Variants in HDAC9 observed in about 807,000 individuals in gnomAD.
HDAC9 encodes MEF-2 interacting transcription repressor (MITR) protein.
In HDAC9, 41 loss-of-function variants were observed where a neutral mutation model predicts 139.4. The observed-to-expected ratio is 0.29, with a 90% CI of 0.23 to 0.38. The LOEUF (loss-of-function observed/expected upper bound fraction) is 0.38, where lower values mean the gene tolerates loss of function less well. Among genes scored for constraint, HDAC9 ranks in the 10% least tolerant of loss-of-function variants. The probability of loss-of-function intolerance (pLI) is 1.00; values close to 1 mark genes in which losing one functional copy is unlikely to be tolerated. For missense variants in HDAC9, 1,147 were observed against 1,297.0 expected (o/e 0.88, Z 1.78); for synonymous variants, 517 against 476.2 (o/e 1.09, Z -1.12).
chr7:18,827,307 C>A (rs1208190344), intron 17 of HDAC9, among the ~76,000 whole-genome samples: 1 of 152,026 alleles, frequency 6.6e-6, no homozygotes, highest in Non-Finnish European at 1.5e-5. Context: ...AAGACACTAT[C>A]TTTTACATAA....
intron 16 of HDAC9, among the ~76,000 whole-genome samples, chr7:18,770,244 C>A (rs576412081): frequency 3.9e-5 from 6 of 152,118 alleles, no homozygotes; most frequent in Non-Finnish European, 5.9e-5. Context: ...GTTTGCTTTT[C>A]TTTTTGTTCA....
chr7:18,331,243 A>G (rs546608738), intron 1 of HDAC9, among the ~76,000 whole-genome samples: 2 of 151,872 alleles, frequency 1.3e-5, no homozygotes, highest in East Asian at 3.9e-4. Flanking sequence ...CCAATCAGGC[A>G]TGTAATACAT....
intron 22 of HDAC9, among the ~76,000 whole-genome samples, chr7:18,881,801 G>C (rs1799759864): frequency 6.6e-6 from 1 of 151,990 alleles, no homozygotes; most frequent in Admixed American, 6.6e-5. Context: ...CTGTAATCAG[G>C]GACTCAATGC....
intron 1 of HDAC9, among the ~76,000 whole-genome samples, chr7:18,468,868 G>C (rs1434354720): frequency 1.3e-5 from 2 of 152,090 alleles, no homozygotes; most frequent in Non-Finnish European, 2.9e-5. Flanking sequence ...TCCAGACTGT[G>C]GTATAAGTAC....
chr7:18,331,929 G>A (rs590630), intron 1 of HDAC9, among the ~76,000 whole-genome samples: 150,446 of 151,678 alleles, frequency 0.99, 74,622 homozygotes, highest in East Asian at 1. Flanking sequence ...TCACATGTGC[G>A]GAGCCTCTTA....
chr7:18,932,024 A>G (rs10271724), intron 22 of HDAC9, among the ~76,000 whole-genome samples: 65,342 of 151,976 alleles, frequency 0.43, 14,495 homozygotes, highest in Non-Finnish European at 0.48. Context: ...TGGCTTATCA[A>G]TCATAACAAA....
At chr7:18,102,757 A>G (rs762198328) in intron 1 of HDAC9, among the ~76,000 whole-genome samples, 2 of 152,160 alleles carry the variant, frequency 1.3e-5, no homozygotes, top group African/African-American at 2.4e-5. Context: ...CATGTGACAA[A>G]GTTCTGACCA....
At chr7:18,329,934 C>T (rs1318116842) in intron 1 of HDAC9, among the ~76,000 whole-genome samples, 1 of 151,206 alleles carries the variant, frequency 6.6e-6, no homozygotes, top group African/African-American at 2.4e-5. Flanking sequence ...TATTTTACTT[C>T]TAAGGTACTT....
chr7:18,628,926 T>G (rs1197401113), intron 6 of HDAC9, among the ~76,000 whole-genome samples: 1 of 152,122 alleles, frequency 6.6e-6, no homozygotes, highest in Admixed American at 6.6e-5. Flanking sequence ...GGTCAGAGTC[T>G]CTAAAATCAC....
At chr7:18,959,996 C>G (rs1416745773) in intron 24 of HDAC9, among the ~76,000 whole-genome samples, 1 of 125,888 alleles carries the variant, frequency 7.9e-6, no homozygotes, top group Non-Finnish European at 1.6e-5. Flanking sequence ...ATAGCTAATC[C>G]TCTGTTGTTT....
chr7:18,293,546 T>A (rs561074920), intron 1 of HDAC9, among the ~76,000 whole-genome samples: 18 of 152,268 alleles, frequency 1.2e-4, no homozygotes, highest in African/African-American at 4.3e-4. Context: ...AGCTCTTTAG[T>A]ACTGGCCACT....
intron 2 of HDAC9, among the ~76,000 whole-genome samples, chr7:18,251,710 A>G (rs1794926201): frequency 6.6e-6 from 1 of 152,192 alleles, no homozygotes; most frequent in African/African-American, 2.4e-5. Flanking sequence ...ACAACCTTTA[A>G]TCTTGTATCA....
chr7:18,864,612 TAA>T (rs34307478), intron 21 of HDAC9, among the ~76,000 whole-genome samples: 1,826 of 145,850 alleles, frequency 0.013, 13 homozygotes, highest in African/African-American at 0.016. Flanking sequence ...TTACCACAAT[TAA>T]AAAAAAAAAA....
Position 18,767,118 on chromosome 7 carries a change from A to C in HDAC9, c.2177A>C (p.Gln726Pro), listed in dbSNP as rs758714079. 1.3e-6 allele frequency: 2 copies of C among 1,570,086 alleles called. No homozygotes were observed. The highest frequency in any genetic ancestry group is 4.6e-5 in the East Asian group (2 of 43,640). Residue 726 changes from glutamine (Q) to proline (P), a missense_variant, in exon 16 of 26, where the codon CAA (glutamine) becomes CCA (proline). Gln to Pro is a moderately conservative substitution (Grantham distance 76, BLOSUM62 -1). Around this residue, in one of 7 missense-constraint regions of HDAC9, gnomAD observed 407 missense variants for 521.5 expected, o/e 0.78. Coordinates refer to ENST00000686413, the MANE Select transcript of HDAC9 (RefSeq NM_178425.4). ...TCTTACTGTATAGGTGATGACTCTC[A>C]AAAGTTTTTTTCCTCATTACCTTGT... ...DPRILLGDDS[Q>P]KFFSSLPCGG... is the part of the protein sequence containing the mutation.
intron 1 of HDAC9, among the ~76,000 whole-genome samples, chr7:18,145,932 A>AC (rs1390592942): frequency 6.6e-6 from 1 of 152,244 alleles, no homozygotes; most frequent in Non-Finnish European, 1.5e-5. Flanking sequence ...GAACAGAAAG[A>AC]CCCCACAAAA....
chr7:18,982,682 G>A (rs1190312189), intron 25 of HDAC9, among the ~76,000 whole-genome samples: 1 of 152,012 alleles, frequency 6.6e-6, no homozygotes, highest in African/African-American at 2.4e-5. Context: ...TTTTAACACC[G>A]TCAATTATGT....
In HDAC9 at chr7:18,617,142, C is replaced by T. The variant is rs530925864; in HGVS notation, c.665-12208C>T. On this transcript the variant is annotated intron_variant, in intron 6 of 25. Transcript: ENST00000686413. ...CGTGCCTACTGTTTTAGTTCATTCC[C>T]TATTTTGTTCAGCCTCCATTCCAGT... Among the ~76,000 whole-genome samples the T allele has an allele frequency of 3.0e-4, 46 of 152,182 alleles. 2 individuals are homozygous for T. The highest frequency in any genetic ancestry group is 2.1e-3 in the South Asian group (10 of 4,830).
At chr7:18,366,611 C>G (rs1253936838) in intron 1 of HDAC9, among the ~76,000 whole-genome samples, 6 of 152,008 alleles carry the variant, frequency 3.9e-5, no homozygotes, top group African/African-American at 1.4e-4. Flanking sequence ...ATTCCATAAC[C>G]ACATTTTTTC....
At chr7:18,919,070 G>A (rs1482831687) in intron 22 of HDAC9, among the ~76,000 whole-genome samples, 1 of 152,026 alleles carries the variant, frequency 6.6e-6, no homozygotes, top group African/African-American at 2.4e-5. Context: ...GAGTTAATCA[G>A]TAATAAGCCA....
Sources: allele counts gnomAD v4.1 joint callset (sites outside exome capture counted in the v4.1 genomes callset), GRCh38; gene constraint gnomAD v4.1.1; regional missense constraint gnomAD v4.1.1; transcripts MANE v1.5; gene names NCBI Gene and HGNC (gene_info 2026-07-23, HGNC 2026-07-21).